The following APOBEC1 variants were observed in gnomAD, a reference collection of about 807,000 sequenced individuals.
The protein encoded by APOBEC1 is apolipoprotein B mRNA editing enzyme catalytic subunit 1, also known as C->U-editing enzyme APOBEC-1.
APOBEC1 carries 22 observed loss-of-function variants against 26.3 expected under a neutral mutation model. The observed-to-expected ratio is 0.84, with a 90% confidence interval of 0.60 to 1.19. The LOEUF (loss-of-function observed/expected upper bound fraction) is 1.19, where lower values mean the gene tolerates loss of function less well. Among genes scored for constraint, APOBEC1 ranks in the 50% most tolerant of loss-of-function variants. The pLI is 0.00. For missense variants in APOBEC1, 253 were observed against 289.0 expected (o/e 0.88, Z 0.90); for synonymous variants, 77 against 95.3 (o/e 0.81, Z 1.12).
At chr12:7,658,007 C>T (rs949486014) in intron 1 of APOBEC1, among the ~76,000 whole-genome samples, 2 of 152,096 alleles carry the variant, frequency 1.3e-5, no homozygotes, top group Non-Finnish European at 2.9e-5. Context: ...TAATTTCTTC[C>T]AATTTCCGAA....
chr12:7,656,117 A>G (rs1233483782), intron 1 of APOBEC1, among the ~76,000 whole-genome samples: 4 of 152,202 alleles, frequency 2.6e-5, no homozygotes, highest in African/African-American at 9.6e-5. Flanking sequence ...GATTACAGGC[A>G]TGATTCACCA....
chr12:7,663,203 C>A (rs958925484), intron 1 of APOBEC1, among the ~76,000 whole-genome samples: 2 of 152,132 alleles, frequency 1.3e-5, no homozygotes, highest in Admixed American at 1.3e-4. Context: ...ACAGAGCATG[C>A]TTTACCCTAG....
intron 1 of APOBEC1, among the ~76,000 whole-genome samples, chr12:7,662,772 G>A (rs1863837611): frequency 6.6e-6 from 1 of 152,114 alleles, no homozygotes; most frequent in African/African-American, 2.4e-5. Context: ...TCCAAGCACA[G>A]GGAACACCAG....
chr12:7,666,023 T>A (rs754243618), upstream of APOBEC1: 37 of 822,826 alleles, frequency 4.5e-5, no homozygotes, highest in Non-Finnish European at 7.1e-5. Flanking sequence ...CTGAGCTGTC[T>A]GTACAAACAG....
chr12:7,657,532 C>A (rs1202554475), intron 1 of APOBEC1, among the ~76,000 whole-genome samples: 1 of 151,538 alleles, frequency 6.6e-6, no homozygotes, highest in Non-Finnish European at 1.5e-5. Context: ...TCTAGAGCTA[C>A]TAAATTCCTT....
In APOBEC1 at chr12:7,652,733, C is replaced by A. The variant is rs1254835439; in HGVS notation, c.147G>T (p.Lys49Asn). Residue 49 changes from lysine to asparagine, a missense_variant, in exon 3 of 5, where the codon AAG (lysine) becomes AAT (asparagine). Coordinates refer to ENST00000229304, the MANE Select transcript of APOBEC1 (RefSeq NM_001644.5). ...TGTTTTTGCCTGAGCTTCGCCAGATCTTCCGGCTCATGCCCCACTTGATTT... is the reference window on the plus strand; with the variant it reads ...TGTTTTTGCCTGAGCTTCGCCAGATATTCCGGCTCATGCCCCACTTGATTT... Reference protein sequence around the residue: ...LYEIKWGMSRKIWRSSGKNTT... With the variant: ...LYEIKWGMSRNIWRSSGKNTT... 2 of 1,614,098 alleles carry A rather than the reference C, an allele frequency of 1.2e-6. No individual in the cohort carries two copies. Among genetic ancestry groups the A allele is most frequent in the Non-Finnish European group, 1.7e-6 (2 of 1,180,022 alleles).
upstream of APOBEC1, among the ~76,000 whole-genome samples, chr12:7,666,926 T>C (rs1863900450): frequency 6.6e-6 from 1 of 151,714 alleles, no homozygotes; most frequent in East Asian, 1.9e-4. Flanking sequence ...TTTTTTTTTT[T>C]TTGAGACAGA....
chr12:7,666,580 C>A (rs1863894456), upstream of APOBEC1, among the ~76,000 whole-genome samples: 1 of 152,154 alleles, frequency 6.6e-6, no homozygotes, highest in Non-Finnish European at 1.5e-5. Context: ...CAGGCATGAG[C>A]CACCGTGCCT....
intron 1 of APOBEC1, among the ~76,000 whole-genome samples, chr12:7,660,524 T>C (rs1863802365): frequency 6.6e-6 from 1 of 150,402 alleles, no homozygotes; most frequent in South Asian, 2.1e-4. Flanking sequence ...CCTAACATGG[T>C]GAAACCCCGT....
chr12:7,660,375 G>GGAAGGAAGGAAGGAAGGACA (rs61183510), intron 1 of APOBEC1, among the ~76,000 whole-genome samples: 6 of 23,948 alleles, frequency 2.5e-4, no homozygotes, highest in Non-Finnish European at 5.9e-4. Context: ...AAGGAAGGAA[G>GGAAGGAAGGAAGGAAGGACA]GAAAGAAAGA....
At chr12:7,655,097 T>C (rs1863694707) in intron 1 of APOBEC1, among the ~76,000 whole-genome samples, 1 of 152,150 alleles carries the variant, frequency 6.6e-6, no homozygotes, top group Non-Finnish European at 1.5e-5. Flanking sequence ...TAATCCCAGC[T>C]ACTCGGGTGG....
At chr12:7,665,929 G>A, upstream of APOBEC1, 1 of 1,606,830 alleles carries the variant, frequency 6.2e-7, no homozygotes, top group Non-Finnish European at 8.5e-7. Flanking sequence ...GATTGTTCCT[G>A]GACTTTGTTG....
intron 1 of APOBEC1, among the ~76,000 whole-genome samples, chr12:7,659,726 T>C (rs995519130): frequency 1.3e-5 from 2 of 152,124 alleles, no homozygotes; most frequent in South Asian, 2.1e-4. Flanking sequence ...TCCCAGCACT[T>C]TGGGAGGCCG....
chr12:7,664,565 C>T (rs777960405), intron 1 of APOBEC1, among the ~76,000 whole-genome samples: 1 of 152,126 alleles, frequency 6.6e-6, no homozygotes, highest in Non-Finnish European at 1.5e-5. Context: ...CTTTTAAATT[C>T]TGTTCATCAA....
At chr12:7,654,733 A>G in intron 1 of APOBEC1, 101 bp from the exon 2 acceptor site, 2 of 1,159,692 alleles carry the variant, frequency 1.7e-6, no homozygotes, top group South Asian at 2.5e-5. Context: ...CATCTCAGAA[A>G]ATGGAATTTG....
chr12:7,657,012 A>G (rs1863723662), intron 1 of APOBEC1, among the ~76,000 whole-genome samples: 1 of 151,570 alleles, frequency 6.6e-6, no homozygotes, highest in South Asian at 2.1e-4. Flanking sequence ...TTGCAAAAAT[A>G]CCCACTTGGT....
At chr12:7,668,836 C>T (rs985622797), upstream of APOBEC1, among the ~76,000 whole-genome samples, 5 of 152,070 alleles carry the variant, frequency 3.3e-5, no homozygotes, top group African/African-American at 4.8e-5. Flanking sequence ...TCAAGCCATT[C>T]TCATGTCTCA....
intron 1 of APOBEC1, among the ~76,000 whole-genome samples, chr12:7,658,645 T>C (rs1371685115): frequency 2.6e-5 from 4 of 152,186 alleles, no homozygotes; most frequent in African/African-American, 9.6e-5. Context: ...CAAGCTAATA[T>C]TTTTAAATAA....
chr12:7,670,005 C>T (rs1340895722), upstream of APOBEC1, among the ~76,000 whole-genome samples: 1 of 151,192 alleles, frequency 6.6e-6, no homozygotes, highest in Non-Finnish European at 1.5e-5. Context: ...ACCCTGGAGA[C>T]AAAATTTTGC....
Sources: gnomAD v4.1 joint callset for allele counts (sites outside exome capture counted in the v4.1 genomes callset) on GRCh38, gnomAD v4.1.1 for gene constraint, MANE v1.5 for transcripts, NCBI Gene and HGNC (gene_info 2026-07-23, HGNC 2026-07-21) for gene names.